The following PRIMPOL variants were observed in gnomAD, a reference collection of about 807,000 sequenced individuals.
PRIMPOL encodes DNA-directed primase/polymerase protein.
A neutral mutation model predicts 63.6 loss-of-function variants in PRIMPOL; 54 were observed. The ratio of observed to expected loss-of-function variants is 0.85; its 90% CI spans 0.68 to 1.07. The LOEUF (loss-of-function observed/expected upper bound fraction) is 1.07, where lower values mean the gene tolerates loss of function less well. Ranked by LOEUF, PRIMPOL falls within the 50% of genes least tolerant of loss-of-function variation. The pLI, the probability that PRIMPOL is intolerant of heterozygous loss-of-function variation, is 0.00. For missense variants in PRIMPOL, 610 were observed against 648.3 expected (o/e 0.94, Z 0.64); for synonymous variants, 197 against 220.2 (o/e 0.89, Z 0.93).
chr4:184,674,858 G>C (rs566586955), intron 7 of PRIMPOL, among the ~76,000 whole-genome samples: 1 of 152,076 alleles, frequency 6.6e-6, no homozygotes, highest in Non-Finnish European at 1.5e-5. Context: ...CTGAAACGGC[G>C]ACAACAGCAG....
At chr4:184,652,989 AGGAAGGAAGAAG>A (rs1212484298) in intron 2 of PRIMPOL, among the ~76,000 whole-genome samples, 2 of 4,452 alleles carry the variant, frequency 4.5e-4, no homozygotes. Flanking sequence ...GGAGGAAGGA[AGGAAGGAAGAAG>A]GGAAGGAAGG....
rs149044020 is a variant in PRIMPOL, at chr4:184,682,303, G to A, written c.1063G>A (p.Gly355Arg). Reference sequence around the variant, plus strand: ...TGAGCCATCTCAGAATAAACAAAAAGGAGTTGGATATTTTAACAGTATCGG... The same window carrying A: ...TGAGCCATCTCAGAATAAACAAAAAAGAGTTGGATATTTTAACAGTATCGG... Reference protein sequence around the residue: ...TCEPSQNKQKGVGYFNSIGTS... With the variant: ...TCEPSQNKQKRVGYFNSIGTS... The change falls in exon 9 of 14, where the codon GGA becomes AGA. Residue 355 changes from glycine to arginine, a missense_variant. Physicochemically the swap from Gly to Arg is moderately radical, Grantham distance 125 (BLOSUM62 -2). Around this residue, in one of 3 missense-constraint regions of PRIMPOL, gnomAD observed 444 missense variants for 456.4 expected, o/e 0.97. Transcript: ENST00000314970. 33 of 1,602,442 alleles carry A rather than the reference G, an allele frequency of 2.1e-5. No individual in the cohort carries two copies. In the African/African-American group the frequency reaches 3.6e-4, roughly 18 times the overall value.
Position 184,694,659 on chromosome 4 carries a change from T to C in PRIMPOL, c.1563T>C (p.Tyr521=). The C allele has an allele frequency of 6.2e-7, 1 of 1,614,152 alleles. No homozygotes were observed. The highest frequency in any genetic ancestry group is 8.5e-7 in the Non-Finnish European group (1 of 1,179,998). ...GGGATAATGGCATTGATGATGCTTA[T>C]TTTTTAGAAGCTACTGAAGATGCTG... ...AVWDNGIDDA[Y]FLEATEDAEL... The change falls in exon 14 of 14, where the codon TAT becomes TAC. Residue 521 remains tyrosine, a synonymous_variant. Coordinates refer to ENST00000314970, the MANE Select transcript of PRIMPOL (RefSeq NM_152683.4).
At chr4:184,670,186 A>T (rs1751182423) in intron 6 of PRIMPOL, among the ~76,000 whole-genome samples, 1 of 152,196 alleles carries the variant, frequency 6.6e-6, no homozygotes, top group African/African-American at 2.4e-5. Context: ...AGTGACAGTC[A>T]TCAGTCATGG....
intron 5 of PRIMPOL, among the ~76,000 whole-genome samples, chr4:184,665,410 C>G (rs1749577642): frequency 6.6e-6 from 1 of 151,714 alleles, no homozygotes; most frequent in Non-Finnish European, 1.5e-5. Flanking sequence ...GCCTTGTAGT[C>G]TCAGAGGCTG....
At chr4:184,652,133 G>A (rs1022441937) in intron 2 of PRIMPOL, 33 bp downstream of exon 2, 28 of 152,278 alleles carry the variant, frequency 1.8e-4, no homozygotes, top group African/African-American at 6.8e-4. Flanking sequence ...GCGGGGGGAG[G>A]TTTCTGGAGT....
rs202047458 is a variant in PRIMPOL, at chr4:184,676,365, TTTCCC to T, written c.845-1852_845-1848del. Among the ~76,000 whole-genome samples the T allele has an allele frequency of 8.5e-3, 324 of 38,292 alleles. 4 individuals carry two copies. The highest frequency in any genetic ancestry group is 0.056 in the Middle Eastern group (4 of 72). 25.1% of individuals were successfully genotyped at this position (38,292 alleles called of 152,430 possible). ...CTTTCTCCTTTTCCTTCCCTTCTCC[TTTCCC>T]TTCCCTTCCCTTCCTTTCCCTTCCC... On this transcript the variant is annotated intron_variant, in intron 7 of 13. Coordinates refer to ENST00000314970, the MANE Select transcript of PRIMPOL (RefSeq NM_152683.4).
At chr4:184,689,972 G>T (rs1320386155) in intron 11 of PRIMPOL, among the ~76,000 whole-genome samples, 2 of 152,160 alleles carry the variant, frequency 1.3e-5, no homozygotes, top group Non-Finnish European at 2.9e-5. Flanking sequence ...AGCATTATTA[G>T]CTCATTAATT....
chr4:184,670,838 C>T (rs1429178022), intron 6 of PRIMPOL, among the ~76,000 whole-genome samples: 1 of 152,114 alleles, frequency 6.6e-6, no homozygotes, highest in East Asian at 1.9e-4. Context: ...CATGAGCCAC[C>T]ACACCTGGCT....
In PRIMPOL at chr4:184,691,551, G is replaced by T. The variant is rs1451104295; in HGVS notation, c.1348G>T (p.Val450Leu). Residue 450 changes from valine to leucine, a missense_variant, in exon 12 of 14, where the codon GTA becomes TTA. By Grantham distance (32) the Val-to-Leu change is conservative. This residue lies in a region of PRIMPOL where 444 missense variants were observed against 456.4 expected (regional missense o/e 0.97). Transcript: ENST00000314970. Reference sequence around the variant, plus strand: ...TTGGTATCAAAAATGTCATGACCCTGTATGTAAAGCAGAAAACTTCAAATC... The same window carrying T: ...TTGGTATCAAAAATGTCATGACCCTTTATGTAAAGCAGAAAACTTCAAATC... ...EVWYQKCHDP[V>L]CKAENFKSDC... The T allele has an allele frequency of 1.2e-6, 2 of 1,608,058 alleles. No homozygotes were observed. The highest frequency in any genetic ancestry group is 1.7e-6 in the Non-Finnish European group (2 of 1,176,912).
intron 4 of PRIMPOL, among the ~76,000 whole-genome samples, chr4:184,661,255 A>G (rs950608539): frequency 1.3e-5 from 2 of 152,214 alleles, no homozygotes; most frequent in Non-Finnish European, 2.9e-5. Context: ...TACAGGATAT[A>G]ATTGTTGCAT....
At chr4:184,692,823 G>A (rs72703533) in intron 13 of PRIMPOL, among the ~76,000 whole-genome samples, 10,166 of 152,050 alleles carry the variant, frequency 0.067, 460 homozygotes, top group Non-Finnish European at 0.092. Flanking sequence ...AATCTGGTAG[G>A]CAAAATGCAG....
chr4:184,679,044 T>C (rs1754896350), intron 8 of PRIMPOL, among the ~76,000 whole-genome samples: 1 of 152,224 alleles, frequency 6.6e-6, no homozygotes, highest in South Asian at 2.1e-4. Context: ...AATGTCTCAT[T>C]TTCTTTTCAT....
rs1351231963 is a variant in PRIMPOL at position 184,666,034 on chromosome 4, G to T, written c.526G>T (p.Asp176Tyr). 1.2e-6 allele frequency: 2 copies of T among 1,607,958 alleles called. No homozygotes were observed. The highest frequency in any genetic ancestry group is 1.7e-6 in the Non-Finnish European group (2 of 1,177,532). ...FSRHLIFQLHDVAFKDNIHVG... is the reference protein window; with the variant it reads ...FSRHLIFQLHYVAFKDNIHVG... ...CCGGCATTTAATATTTCAGCTCCATGATGTGGCATTTAAAGATAATATTCA... is the reference window on the plus strand; with the variant it reads ...CCGGCATTTAATATTTCAGCTCCATTATGTGGCATTTAAAGATAATATTCA... Residue 176 changes from aspartate (D) to tyrosine (Y), a missense_variant, in exon 6 of 14, where the codon GAT (aspartate) becomes TAT (tyrosine). By Grantham distance (160) the Asp-to-Tyr change is radical. Around this residue, in one of 3 missense-constraint regions of PRIMPOL, gnomAD observed 444 missense variants for 456.4 expected, o/e 0.97. Coordinates refer to ENST00000314970, the MANE Select transcript of PRIMPOL (RefSeq NM_152683.4).
In PRIMPOL at chr4:184,671,393, C is replaced by G. The variant is rs182853164; in HGVS notation, c.557-780C>G. On this transcript the variant is annotated intron_variant, in intron 6 of 13. Coordinates refer to ENST00000314970, the MANE Select transcript of PRIMPOL (RefSeq NM_152683.4). ...ACTCCCCGAGATTTCCTCAGTGCTT[C>G]TGTCTGTTAGCTGAGCAGCAGTTTC... 4.4e-4 allele frequency among the ~76,000 whole-genome samples: 67 copies of G among 152,270 alleles called. 1 individual carries two copies. In the East Asian group the frequency reaches 0.011, roughly 26 times the overall value.
At chr4:184,654,441 CAAGTT>C (rs1385770333) in intron 2 of PRIMPOL, among the ~76,000 whole-genome samples, 3 of 62,232 alleles carry the variant, frequency 4.8e-5, no homozygotes, top group African/African-American at 1.7e-4. Context: ...TTTGTATTGA[CAAGTT>C]AAAGCAGTTT....
intron 9 of PRIMPOL, among the ~76,000 whole-genome samples, chr4:184,684,564 T>G (rs764081574): frequency 2.0e-5 from 3 of 152,008 alleles, no homozygotes; most frequent in Non-Finnish European, 4.4e-5. Context: ...CAGCTAAAGG[T>G]CTCAGGGCAC....
At chr4:184,662,001 CTT>C (rs1748485647) in intron 5 of PRIMPOL, 98 bp downstream of exon 5, 1 of 1,031,812 alleles carries the variant, frequency 9.7e-7, no homozygotes, top group South Asian at 2.2e-5. Flanking sequence ...TTCTGTATCT[CTT>C]CTTTTTCTTG....
chr4:184,651,305 A>C (rs1339321948), intron 1 of PRIMPOL, among the ~76,000 whole-genome samples: 1 of 152,042 alleles, frequency 6.6e-6, no homozygotes, highest in African/African-American at 2.4e-5. Flanking sequence ...AAAAGAAAAA[A>C]AAGGGGTTAA....
Sources: gnomAD v4.1 joint callset for allele counts (sites outside exome capture counted in the v4.1 genomes callset) on GRCh38, gnomAD v4.1.1 for gene constraint, gnomAD v4.1.1 regional missense constraint, MANE v1.5 for transcripts, NCBI Gene and HGNC (gene_info 2026-07-23, HGNC 2026-07-21) for gene names.